Variants in ZNF415 observed in about 807,000 individuals in gnomAD.
ZNF415 encodes zinc finger protein 415.
A neutral mutation model predicts 7.3 loss-of-function variants in ZNF415; 5 were observed. That is an observed-to-expected ratio of 0.69 (90% CI 0.36 to 1.44). The LOEUF (loss-of-function observed/expected upper bound fraction) is 1.44. Ranked by LOEUF, ZNF415 falls within the 40% of genes most tolerant of loss-of-function variation. The pLI is 0.04. For synonymous variants in ZNF415, 207 were observed against 226.3 expected, an observed-to-expected ratio of 0.91 and a Z score of 0.77; for missense variants, 628 against 664.8, an observed-to-expected ratio of 0.94 and a Z score of 0.61.
chr19:53,119,051 C>T (rs575010263), intron 2 of ZNF415, among the ~76,000 whole-genome samples: 5 of 151,990 alleles, frequency 3.3e-5, no homozygotes, highest in Admixed American at 6.5e-5. Context: ...GAGGCCAAGG[C>T]GGGCGGATCA....
intron 2 of ZNF415, among the ~76,000 whole-genome samples, chr19:53,122,076 G>A (rs530661089): frequency 1.2e-4 from 18 of 147,132 alleles, no homozygotes; most frequent in South Asian, 2.3e-4. Flanking sequence ...GAGAAACCCC[G>A]TCTCTATTAA....
At position 53,108,220 on chromosome 19, in the gene ZNF415, C is replaced by T. The variant is rs1045764; in HGVS notation, c.*157G>A. ...CTTGTGATGAAGGGTTTGCTGTACT[C>T]GTAAGGATTCTCTCAAGAATGAAAT... is the stretch of plus-strand genomic sequence containing the variant. On this transcript the variant is annotated 3_prime_UTR_variant, in exon 4 of 4. Coordinates refer to ENST00000243643, the MANE Select transcript of ZNF415 (RefSeq NM_018355.4). 366,968 of 727,116 alleles carry T rather than the reference C, an allele frequency of 0.5. 93,551 individuals carry two copies. Among genetic ancestry groups the T allele is most frequent in the Admixed American group, 0.63 (20,137 of 31,850 alleles). 45.0% of individuals were successfully genotyped at this position (727,116 alleles called of 1,614,324 possible). A position where few individuals can be genotyped will look rare whatever the true frequency, so the allele number is the denominator to read the frequency against.
chr19:53,126,124 G>A (rs1031696939), intron 1 of ZNF415, among the ~76,000 whole-genome samples: 1 of 151,544 alleles, frequency 6.6e-6, no homozygotes, highest in Non-Finnish European at 1.5e-5. Context: ...TGTTCACTTT[G>A]AGGGACTGAT....
intron 3 of ZNF415, among the ~76,000 whole-genome samples, chr19:53,111,340 CTT>C (rs61112807): frequency 1.3e-4 from 14 of 105,118 alleles, no homozygotes; most frequent in South Asian, 3.2e-4. Flanking sequence ...TATGATATTT[CTT>C]TTTTTTTTTT....
chr19:53,119,248 C>A (rs1017459199), intron 2 of ZNF415, among the ~76,000 whole-genome samples: 1 of 151,848 alleles, frequency 6.6e-6, no homozygotes, highest in Non-Finnish European at 1.5e-5. Context: ...AGCCACTGCA[C>A]TCCAGCCTGG....
In ZNF415 at chr19:53,109,392, T is replaced by C. The variant is rs1306320161; in HGVS notation, c.653A>G (p.Tyr218Cys). The C allele has an allele frequency of 5.6e-6, 9 of 1,614,164 alleles. No individual in the cohort carries two copies. Among genetic ancestry groups the C allele is most frequent in the Admixed American group, 3.3e-5 (2 of 60,020 alleles). Residue 218 changes from tyrosine to cysteine, a missense_variant, in exon 4 of 4, where the codon TAT becomes TGT. By Grantham distance (194) the Tyr-to-Cys change is radical (BLOSUM62 -2). Coordinates refer to ENST00000243643, the MANE Select transcript of ZNF415 (RefSeq NM_018355.4). ...ATTCAAGGCTTTGTCGCACTCAATA[T>C]ATCTGTAAGGTTTTTCCCTAATGCA... ...KSCIREKPYRYIECDKALNHG... is the reference protein window; with the variant it reads ...KSCIREKPYRCIECDKALNHG...
chr19:53,115,626 C>T, intron 3 of ZNF415: 1 of 1,116,704 alleles, frequency 9.0e-7, no homozygotes, highest in Admixed American at 2.0e-5. Context: ...TGTTTTCCTA[C>T]AGAACTCTCC....
chr19:53,127,977 A>AGCCAG (rs1178681021), intron 1 of ZNF415, among the ~76,000 whole-genome samples: 1 of 152,154 alleles, frequency 6.6e-6, no homozygotes, highest in African/African-American at 2.4e-5. Context: ...CATGTGCTAC[A>AGCCAG]GCCAGACCTG....
At chr19:53,117,061 C>T (rs1431508790) in intron 2 of ZNF415, among the ~76,000 whole-genome samples, 3 of 152,118 alleles carry the variant, frequency 2.0e-5, no homozygotes, top group African/African-American at 7.2e-5. Flanking sequence ...TATCTAGATA[C>T]AGGAATTTCA....
chr19:53,122,731 T>C lies in ZNF415; in HGVS notation c.-55A>G. The C allele has an allele frequency of 6.2e-7, 1 of 1,613,040 alleles. No homozygotes were observed. Among genetic ancestry groups the C allele is most frequent in the Non-Finnish European group, 8.5e-7 (1 of 1,179,352 alleles). On this transcript the variant is annotated 5_prime_UTR_variant, in exon 2 of 4. Coordinates refer to ENST00000243643, the MANE Select transcript of ZNF415 (RefSeq NM_018355.4). Reference sequence around the variant, plus strand: ...TTTCTTCCTCATGTGCCAGGAGTCTTTGGAAGTCAATGCTGAATAACAACA... The same window carrying C: ...TTTCTTCCTCATGTGCCAGGAGTCTCTGGAAGTCAATGCTGAATAACAACA...
At chr19:53,110,176 C>T (rs1440962024) in intron 3 of ZNF415, among the ~76,000 whole-genome samples, 2 of 152,104 alleles carry the variant, frequency 1.3e-5, no homozygotes, top group South Asian at 2.1e-4. Context: ...TACGTTAGCC[C>T]TGAAAGGAGT....
intron 1 of ZNF415, among the ~76,000 whole-genome samples, chr19:53,129,060 G>A (rs538581588): frequency 1.3e-5 from 2 of 152,286 alleles, no homozygotes; most frequent in East Asian, 1.9e-4. Context: ...GGGAGGGCAC[G>A]GGAGACATCT....
At chr19:53,128,647 G>A (rs1198255912) in intron 1 of ZNF415, among the ~76,000 whole-genome samples, 4 of 113,002 alleles carry the variant, frequency 3.5e-5, no homozygotes, top group African/African-American at 9.1e-5. Context: ...CGGTGGGGAC[G>A]CCTCGGCACT....
chr19:53,131,730 A>T (rs2090100863), intron 1 of ZNF415, among the ~76,000 whole-genome samples: 1 of 149,978 alleles, frequency 6.7e-6, no homozygotes, highest in South Asian at 2.1e-4. Flanking sequence ...AATGTATTTA[A>T]TTCCTCTTTC....
chr19:53,127,884 A>AAAAG (rs1555793060), intron 1 of ZNF415, among the ~76,000 whole-genome samples: 28 of 149,276 alleles, frequency 1.9e-4, no homozygotes, highest in South Asian at 4.2e-4. Flanking sequence ...TCAAAAAAAA[A>AAAAG]AAAAAGAAAA....
intron 2 of ZNF415, among the ~76,000 whole-genome samples, chr19:53,121,138 G>A (rs919858021): frequency 2.2e-5 from 3 of 134,342 alleles, no homozygotes; most frequent in South Asian, 2.4e-4. Flanking sequence ...GCTCCCGCCC[G>A]TAATCCCAGC....
intron 2 of ZNF415, among the ~76,000 whole-genome samples, chr19:53,118,458 T>G (rs571788752): frequency 5.3e-5 from 8 of 152,318 alleles, no homozygotes; most frequent in African/African-American, 1.9e-4. Flanking sequence ...CTAAGAGATA[T>G]TTACAGAACA....
chr19:53,128,050 A>T (rs2089494463), intron 1 of ZNF415, among the ~76,000 whole-genome samples: 1 of 152,028 alleles, frequency 6.6e-6, no homozygotes, highest in African/African-American at 2.4e-5. Context: ...ACAGGTGTAC[A>T]CATCATTCAC....
chr19:53,118,083 C>A (rs2087349156), intron 2 of ZNF415, among the ~76,000 whole-genome samples: 1 of 151,942 alleles, frequency 6.6e-6, no homozygotes, highest in South Asian at 2.1e-4. Flanking sequence ...AATGTAAAGA[C>A]ACAAATAGAC....
Sources: gnomAD v4.1 joint callset for allele counts (sites outside exome capture counted in the v4.1 genomes callset) on GRCh38, gnomAD v4.1.1 for gene constraint, MANE v1.5 for transcripts, NCBI Gene and HGNC (gene_info 2026-07-23, HGNC 2026-07-21) for gene names.